The following KIFC3 variants were observed in gnomAD, a reference collection of about 807,000 sequenced individuals.
KIFC3 encodes kinesin family member C3.
A neutral mutation model predicts 101.8 loss-of-function variants in KIFC3; 60 were observed. That is an observed-to-expected ratio of 0.59 (90% confidence interval 0.48 to 0.73). KIFC3 has a LOEUF of 0.73. Ranked by LOEUF, KIFC3 falls within the 30% of genes least tolerant of loss-of-function variation. KIFC3 has a pLI of 0.00. For missense variants in KIFC3, 966 were observed against 1,137.1 expected (o/e 0.85, Z 2.16); for synonymous variants, 476 against 482.7 (o/e 0.99, Z 0.18).
In KIFC3 at chr16:57,769,785, C is replaced by T. The variant is rs1567965555; in HGVS notation, c.1087+23G>A. The T allele has an allele frequency of 6.2e-7, 1 of 1,612,980 alleles. No homozygotes were observed. The highest frequency in any genetic ancestry group is 8.5e-7 in the Non-Finnish European group (1 of 1,179,860). ...ATGAGGGGCCGCGGCGTGGGGCAGACAGGGCCCAGCTGGTCAGCTCACCTG... is the reference window on the plus strand; with the variant it reads ...ATGAGGGGCCGCGGCGTGGGGCAGATAGGGCCCAGCTGGTCAGCTCACCTG... On this transcript the variant is annotated intron_variant, in intron 8 of 19. Transcript: ENST00000445690. This position sits in a 1 kb window ranked among gnomAD's most constrained non-coding sequence, Gnocchi z 4.3.
Position 57,761,048 on chromosome 16 carries a change from T to C in KIFC3, c.1996A>G (p.Thr666Ala). 5 of 1,609,504 alleles carry C rather than the reference T, an allele frequency of 3.1e-6. No homozygotes were observed. The highest frequency in any genetic ancestry group is 4.2e-6 in the Non-Finnish European group (5 of 1,177,774). The change falls in exon 15 of 20, where the codon ACC (threonine) becomes GCC (alanine). Residue 666 changes from threonine (T) to alanine (A), a missense_variant. Coordinates refer to ENST00000445690, the MANE Select transcript of KIFC3 (RefSeq NM_001130100.2). ...GGCTGCCTGCCACTCTCACCCGTGG[T>C]GCGGAGGCCTGTGCTGCAGTCCACG... The part of the protein sequence containing the change: ...RGVDCSTGLR[T>A]TGKLNLVDLA...
At chr16:57,832,019 GTTTTGT>G (rs1225589202) in intron 1 of KIFC3, among the ~76,000 whole-genome samples, 2 of 148,594 alleles carry the variant, frequency 1.3e-5, no homozygotes, top group African/African-American at 5.0e-5. Context: ...GTTTTGTTTT[GTTTTGT>G]TTTTGTTTTT....
chr16:57,836,191 G>A (rs1216666085), intron 1 of KIFC3, among the ~76,000 whole-genome samples: 8 of 152,224 alleles, frequency 5.3e-5, no homozygotes, highest in Non-Finnish European at 1.0e-4. Flanking sequence ...TGGGCTCACT[G>A]CAGCCTTGAC....
upstream of KIFC3, among the ~76,000 whole-genome samples, chr16:57,804,979 A>G (rs111637521): frequency 0.017 from 2,516 of 150,296 alleles, 86 homozygotes; most frequent in African/African-American, 0.059. Context: ...ACAGGCGCAC[A>G]CCACCACACC....
At chr16:57,797,343 C>G (rs1359459130) in intron 2 of KIFC3, among the ~76,000 whole-genome samples, 2 of 152,208 alleles carry the variant, frequency 1.3e-5, no homozygotes, top group Non-Finnish European at 2.9e-5. Context: ...ACTACCAGGG[C>G]GACCTGCCCA....
intron 9 of KIFC3, among the ~76,000 whole-genome samples, chr16:57,768,669 C>T (rs1316723029): frequency 3.3e-5 from 5 of 152,144 alleles, no homozygotes; most frequent in Non-Finnish European, 7.3e-5. Context: ...CTTTTCACCA[C>T]GTCCATGTAT....
chr16:57,802,831 G>A (rs969537168), upstream of KIFC3: 130 of 878,850 alleles, frequency 1.5e-4, 2 homozygotes, highest in African/African-American at 1.7e-3. This position sits in a 1 kb window ranked among gnomAD's most constrained non-coding sequence, Gnocchi z 5.0. Context: ...GGTGAGCCAT[G>A]CGTACTTTTG....
At chr16:57,791,609 G>C (rs528320233) in intron 3 of KIFC3, among the ~76,000 whole-genome samples, 2 of 152,296 alleles carry the variant, frequency 1.3e-5, no homozygotes, top group South Asian at 4.1e-4. Flanking sequence ...GGCCCGCCAG[G>C]ATGTGAACGT....
At chr16:57,844,657 C>T (rs1215737546) in intron 1 of KIFC3, among the ~76,000 whole-genome samples, 2 of 152,064 alleles carry the variant, frequency 1.3e-5, no homozygotes, top group Admixed American at 6.6e-5. Context: ...CTCTCCCCAC[C>T]GCCCCCTCCG....
chr16:57,767,109 C>T (rs2050584853), intron 9 of KIFC3, 124 bp from the exon 10 acceptor site: 14 of 699,862 alleles, frequency 2.0e-5, no homozygotes, highest in South Asian at 6.6e-5. Flanking sequence ...CACGCTGTCA[C>T]ATGTCAGACT....
intron 9 of KIFC3, among the ~76,000 whole-genome samples, chr16:57,767,859 A>AT (rs1555604250): frequency 6.6e-6 from 1 of 152,006 alleles, no homozygotes; most frequent in African/African-American, 2.4e-5. Context: ...ATTTTTTTGT[A>AT]GAGATGGGGT....
chr16:57,837,882 C>G (rs554777997), intron 1 of KIFC3, among the ~76,000 whole-genome samples: 1 of 152,220 alleles, frequency 6.6e-6, no homozygotes, highest in East Asian at 1.9e-4. Context: ...TTGCTTGCTG[C>G]GTGGATGGGA....
At chr16:57,861,100 A>G (rs1959244546) in intron 1 of KIFC3, among the ~76,000 whole-genome samples, 1 of 152,208 alleles carries the variant, frequency 6.6e-6, no homozygotes, top group African/African-American at 2.4e-5. Flanking sequence ...TCAGCTTGTG[A>G]CGGGCTATTA....
chr16:57,782,166 T>C (rs538750853), intron 3 of KIFC3: 3 of 984,086 alleles, frequency 3.0e-6, no homozygotes, highest in South Asian at 4.7e-5. Context: ...CACATTACAG[T>C]TGACCATCTT....
chr16:57,802,698 TCCCGCCTC>T (rs2149243380), upstream of KIFC3: 2 of 864,610 alleles, frequency 2.3e-6, no homozygotes, highest in East Asian at 3.0e-5. This position sits in a 1 kb window ranked among gnomAD's most constrained non-coding sequence, Gnocchi z 5.0. Context: ...ACTCGGTCTC[TCCCGCCTC>T]CCCGCGTCCC....
chr16:57,850,823 C>G (rs1358350173), intron 1 of KIFC3, among the ~76,000 whole-genome samples: 1 of 152,072 alleles, frequency 6.6e-6, no homozygotes, highest in African/African-American at 2.4e-5. Context: ...TCCGCAGGCC[C>G]TTCCAGTGCT....
At chr16:57,798,526 G>T in intron 1 of KIFC3, 1 of 569,868 alleles carries the variant, frequency 1.8e-6, no homozygotes, top group Non-Finnish European at 3.1e-6. Flanking sequence ...CATATCAGCT[G>T]TGCCTGAGAC....
chr16:57,761,640 T>G lies in KIFC3; in HGVS notation c.1749-104A>C, dbSNP rs1555597862. 6 of 1,360,654 alleles carry G rather than the reference T, an allele frequency of 4.4e-6. No homozygotes were observed. The Admixed American group carries it at 5.6e-5, about 13-fold the overall frequency. The allele number at this position is 1,360,654 out of a possible 1,614,324, so 84.3% of individuals were successfully genotyped here. A position where few individuals can be genotyped will look rare whatever the true frequency, so the allele number is the denominator to read the frequency against. On this transcript the variant is annotated intron_variant, in intron 13 of 19. Transcript: ENST00000445690. ...GAATGTTCCCCCAACCCAGGAAGCC[T>G]TCTCCAGCCATCAGCTGAGTGCATC... is the stretch of plus-strand genomic sequence containing the variant.
At chr16:57,762,295 G>T in intron 12 of KIFC3, 25 bp from the exon 13 acceptor site, 1 of 1,519,706 alleles carries the variant, frequency 6.6e-7, no homozygotes. Flanking sequence ...AAAGGCCCCA[G>T]TAAGCCAGGC....
Sources: allele counts gnomAD v4.1 joint callset (sites outside exome capture counted in the v4.1 genomes callset), GRCh38; gene constraint gnomAD v4.1.1; non-coding constraint Gnocchi (gnomAD v3.1); transcripts MANE v1.5; gene names NCBI Gene and HGNC (gene_info 2026-07-23, HGNC 2026-07-21).